APBA1: variants seen among roughly 807,000 people sequenced by gnomAD.
The protein encoded by APBA1 is amyloid beta precursor protein binding family A member 1, also known as amyloid-beta A4 precursor protein-binding family A member 1.
Under a neutral mutation model 86.6 loss-of-function variants are expected in APBA1, and 55 were observed. The ratio of observed to expected loss-of-function variants is 0.64; its 90% CI spans 0.51 to 0.80. APBA1 has a LOEUF of 0.80. Ranked by LOEUF, APBA1 falls within the 30% of genes least tolerant of loss-of-function variation. APBA1 has a pLI of 0.00. For missense variants in APBA1, 1,090 were observed against 1,183.0 expected (o/e 0.92, Z 1.15); for synonymous variants, 511 against 493.9 (o/e 1.03, Z -0.46).
intron 2 of APBA1, among the ~76,000 whole-genome samples, chr9:69,496,029 A>T (rs1431727267): frequency 6.6e-6 from 1 of 152,156 alleles, no homozygotes; most frequent in Non-Finnish European, 1.5e-5. Context: ...GAACCAAACC[A>T]ACAGATAATC....
At chr9:69,445,678 C>G (rs969141626) in intron 10 of APBA1, among the ~76,000 whole-genome samples, 1 of 152,142 alleles carries the variant, frequency 6.6e-6, no homozygotes, top group African/African-American at 2.4e-5. Context: ...TTCCACCCAC[C>G]AATAATTATG....
At chr9:69,518,283 T>C (rs1039784224) in intron 1 of APBA1, among the ~76,000 whole-genome samples, 1 of 152,224 alleles carries the variant, frequency 6.6e-6, no homozygotes, top group African/African-American at 2.4e-5. Context: ...ATGCAAATAC[T>C]ATACCATTTT....
In APBA1 at chr9:69,513,286, C is replaced by T. The variant is rs551993926; in HGVS notation, c.1200+2725G>A. ...TCTCCTAGTTCAAATGAATAAAAGC[C>T]AGCCTCTAACCCTACCATAGGCTGT... is the stretch of plus-strand genomic sequence containing the variant. On this transcript the variant is annotated intron_variant, in intron 2 of 12. Coordinates refer to ENST00000265381, the MANE Select transcript of APBA1 (RefSeq NM_001163.4). 5.3e-5 allele frequency among the ~76,000 whole-genome samples: 8 copies of T among 152,298 alleles called. No individual in the cohort carries two copies. The East Asian group carries it at 9.7e-4, about 18-fold the overall frequency.
chr9:69,486,807 C>G (rs1835616981), intron 2 of APBA1, among the ~76,000 whole-genome samples: 1 of 151,724 alleles, frequency 6.6e-6, no homozygotes, highest in South Asian at 2.1e-4. Context: ...AGGGTGTTAC[C>G]AACAGCCACA....
At chr9:69,614,478 A>G (rs778140527) in intron 1 of APBA1, among the ~76,000 whole-genome samples, 1 of 152,196 alleles carries the variant, frequency 6.6e-6, no homozygotes, top group Non-Finnish European at 1.5e-5. Context: ...ATAGAAGTCT[A>G]ATATGGTATC....
chr9:69,671,109 T>C (rs1351293127), intron 1 of APBA1, among the ~76,000 whole-genome samples: 2 of 152,104 alleles, frequency 1.3e-5, no homozygotes, highest in Non-Finnish European at 2.9e-5. Context: ...ATCCATCCTC[T>C]AGCCATAAGG....
intron 4 of APBA1, 30 bp from the exon 5 acceptor site, chr9:69,467,998 C>T (rs1409996616): frequency 6.2e-7 from 1 of 1,608,114 alleles, no homozygotes; most frequent in East Asian, 2.2e-5. Context: ...AGTGAGGAAG[C>T]CATCCTGGGG....
chr9:69,625,723 G>A (rs1007964117), intron 1 of APBA1, among the ~76,000 whole-genome samples: 6 of 152,102 alleles, frequency 3.9e-5, no homozygotes, highest in Non-Finnish European at 8.8e-5. Context: ...TTAATATTAA[G>A]CATATTATTA....
At chr9:69,489,046 C>A (rs189032883) in intron 2 of APBA1, among the ~76,000 whole-genome samples, 2 of 152,152 alleles carry the variant, frequency 1.3e-5, no homozygotes, top group East Asian at 3.9e-4. Flanking sequence ...ATGAAAATGG[C>A]CATACTGCCC....
At chr9:69,432,931 T>C (rs910590839) in intron 11 of APBA1, among the ~76,000 whole-genome samples, 1 of 152,084 alleles carries the variant, frequency 6.6e-6, no homozygotes, top group Non-Finnish European at 1.5e-5. Flanking sequence ...GAATTCTACT[T>C]CTCATCCCAG....
At chr9:69,544,631 C>T (rs911383805) in intron 1 of APBA1, among the ~76,000 whole-genome samples, 29 of 152,180 alleles carry the variant, frequency 1.9e-4, no homozygotes, top group Admixed American at 1.4e-3. Context: ...ACTCCTCCCA[C>T]AAAAGAATAG....
chr9:69,504,790 G>A (rs1835928910), intron 2 of APBA1, among the ~76,000 whole-genome samples: 1 of 151,982 alleles, frequency 6.6e-6, no homozygotes, highest in Non-Finnish European at 1.5e-5. Flanking sequence ...CTCTTGCCAT[G>A]TCCCCAGTTT....
intron 2 of APBA1, among the ~76,000 whole-genome samples, chr9:69,512,984 G>T (rs11139043): frequency 0.15 from 22,893 of 152,064 alleles, 2,300 homozygotes; most frequent in East Asian, 0.28. Flanking sequence ...TATATTCTCA[G>T]TAGACCATTA....
At chr9:69,661,231 A>C (rs1823747558) in intron 1 of APBA1, among the ~76,000 whole-genome samples, 1 of 152,208 alleles carries the variant, frequency 6.6e-6, no homozygotes, top group Admixed American at 6.5e-5. Context: ...CCTATTTACT[A>C]CTAGCCCTAA....
chr9:69,608,749 A>G (rs966487892), intron 1 of APBA1, among the ~76,000 whole-genome samples: 1 of 152,190 alleles, frequency 6.6e-6, no homozygotes, highest in East Asian at 1.9e-4. Flanking sequence ...GGGCACCCAT[A>G]CTGAGAAGTT....
At chr9:69,648,018 G>A (rs577152830) in intron 1 of APBA1, among the ~76,000 whole-genome samples, 2 of 152,308 alleles carry the variant, frequency 1.3e-5, no homozygotes, top group Admixed American at 6.5e-5. Context: ...TGCTGCAGCC[G>A]CCCCCACCAC....
chr9:69,562,672 G>A (rs1451900449), intron 1 of APBA1, among the ~76,000 whole-genome samples: 1 of 151,996 alleles, frequency 6.6e-6, no homozygotes, highest in African/African-American at 2.4e-5. Context: ...ACTGTACCCG[G>A]CCTGTATTTC....
intron 1 of APBA1, among the ~76,000 whole-genome samples, chr9:69,536,019 G>A (rs968697559): frequency 6.9e-6 from 1 of 144,972 alleles, no homozygotes; most frequent in Non-Finnish European, 1.5e-5. Context: ...AAAAATAAAG[G>A]ATTAGGTAGA....
chr9:69,592,665 C>T (rs866874528), intron 1 of APBA1, among the ~76,000 whole-genome samples: 22 of 152,138 alleles, frequency 1.4e-4, no homozygotes, highest in Admixed American at 5.2e-4. Flanking sequence ...GACAGTCTTT[C>T]CTATGCTCTC....
Sources: allele counts gnomAD v4.1 joint callset (sites outside exome capture counted in the v4.1 genomes callset), GRCh38; gene constraint gnomAD v4.1.1; transcripts MANE v1.5; gene names NCBI Gene and HGNC (gene_info 2026-07-23, HGNC 2026-07-21).